The following DNAH7 variants were observed in gnomAD, a reference collection of about 807,000 sequenced individuals.
DNAH7 encodes the protein axonemal beta dynein heavy chain 7.
DNAH7 carries 397 observed loss-of-function variants against 444.6 expected under a neutral mutation model. The observed-to-expected ratio is 0.89, with a 90% CI of 0.82 to 0.97. DNAH7 has a LOEUF of 0.97. Among genes scored for constraint, DNAH7 ranks in the 50% least tolerant of loss-of-function variants. The pLI, the probability that DNAH7 is intolerant of heterozygous loss-of-function variation, is 0.00. For synonymous variants in DNAH7, 1,636 were observed against 1,624.4 expected (o/e 1.01, Z -0.17); for missense variants, 4,902 against 4,800.8 (o/e 1.02, Z -0.62).
intron 19 of DNAH7, among the ~76,000 whole-genome samples, chr2:195,956,497 A>G (rs893275851): frequency 6.6e-6 from 1 of 152,020 alleles, no homozygotes; most frequent in Non-Finnish European, 1.5e-5. Context: ...CTAAAAATAC[A>G]AAAATTAGCT....
chr2:196,056,380 G>T (rs1206747755), intron 2 of DNAH7, among the ~76,000 whole-genome samples: 2 of 150,524 alleles, frequency 1.3e-5, no homozygotes, highest in Admixed American at 6.6e-5. Flanking sequence ...GGGAGGCGGA[G>T]GTTGCAGTGA....
intron 46 of DNAH7, among the ~76,000 whole-genome samples, chr2:195,848,176 T>G (rs1439765537): frequency 6.6e-6 from 1 of 152,186 alleles, no homozygotes; most frequent in East Asian, 1.9e-4. Context: ...CTCAGGCTCC[T>G]GCTGAGTAGG....
At chr2:195,890,783 A>AT (rs1321840056) in intron 31 of DNAH7, among the ~76,000 whole-genome samples, 3 of 152,162 alleles carry the variant, frequency 2.0e-5, no homozygotes, top group African/African-American at 7.2e-5. Flanking sequence ...CAGAGCTGAG[A>AT]TTTCACGTTT....
intron 29 of DNAH7, 65 bp from the exon 30 acceptor site, chr2:195,895,289 T>C: frequency 1.8e-6 from 2 of 1,135,778 alleles, no homozygotes; most frequent in South Asian, 4.3e-5. Context: ...ATATTTTGTA[T>C]TGATGGAAAT....
chr2:195,852,749 C>T (rs1452515335), intron 46 of DNAH7, among the ~76,000 whole-genome samples: 1 of 152,108 alleles, frequency 6.6e-6, no homozygotes, highest in Non-Finnish European at 1.5e-5. Context: ...AGGCAGGGAA[C>T]GTGGGGTTTG....
chr2:195,772,010 T>C, intron 60 of DNAH7, 120 bp from the exon 61 acceptor site: 1 of 817,280 alleles, frequency 1.2e-6, no homozygotes, highest in Non-Finnish European at 2.0e-6. Context: ...TTATCCATGA[T>C]CCATCTCCAC....
In DNAH7 at chr2:195,849,745, G is replaced by A. The variant is rs1258507820; in HGVS notation, c.8781+3598C>T. Among the ~76,000 whole-genome samples the A allele has an allele frequency of 2.6e-5, 4 of 151,966 alleles. No individual in the cohort carries two copies. The East Asian group carries it at 5.8e-4, about 22-fold the overall frequency. On this transcript the variant is annotated intron_variant, in intron 46 of 64. Coordinates refer to ENST00000312428, the MANE Select transcript of DNAH7 (RefSeq NM_018897.3). ...CCTCCAAGCAGGACTGGGACTACAG[G>A]CACACACCACCATGCCCGGATAATT...
intron 19 of DNAH7, among the ~76,000 whole-genome samples, chr2:195,944,333 C>T (rs1156709637): frequency 6.6e-6 from 1 of 152,104 alleles, no homozygotes; most frequent in Admixed American, 6.6e-5. Context: ...TTACAGAAGC[C>T]AGGTTTGGTC....
intron 5 of DNAH7, among the ~76,000 whole-genome samples, chr2:196,039,614 G>A (rs1456682416): frequency 2.0e-5 from 3 of 151,830 alleles, no homozygotes; most frequent in African/African-American, 7.3e-5. Flanking sequence ...CCTGGCCAAC[G>A]TGGCAAAACC....
intron 25 of DNAH7, among the ~76,000 whole-genome samples, chr2:195,909,429 T>C (rs1459106645): frequency 6.6e-6 from 1 of 152,124 alleles, no homozygotes; most frequent in Non-Finnish European, 1.5e-5. Flanking sequence ...GGACTTGGTA[T>C]CTCTAATTCT....
At chr2:195,900,654 G>A in intron 27 of DNAH7, 160 bp from the exon 28 acceptor site, 1 of 635,318 alleles carries the variant, frequency 1.6e-6, no homozygotes, top group South Asian at 2.1e-5. Context: ...TGGGAAAGGT[G>A]AGGTGGGGCA....
At chr2:195,879,476 T>C (rs1041958085) in intron 36 of DNAH7, among the ~76,000 whole-genome samples, 4 of 152,156 alleles carry the variant, frequency 2.6e-5, no homozygotes, top group African/African-American at 7.2e-5. Flanking sequence ...TGGCACATTT[T>C]CACTTTTTAT....
intron 60 of DNAH7, 81 bp from the exon 61 acceptor site, chr2:195,771,971 C>A (rs1694862724): frequency 2.5e-6 from 3 of 1,189,416 alleles, no homozygotes; most frequent in African/African-American, 3.0e-5. Flanking sequence ...TAAGGTAAAT[C>A]TTTATAAGAA....
intron 7 of DNAH7, among the ~76,000 whole-genome samples, chr2:196,025,527 G>A (rs1212535869): frequency 1.3e-5 from 2 of 152,046 alleles, no homozygotes; most frequent in African/African-American, 4.8e-5. Flanking sequence ...CCTCTCATGG[G>A]CGTCTGCTAT....
intron 2 of DNAH7, among the ~76,000 whole-genome samples, chr2:196,053,563 G>C (rs763627705): frequency 6.6e-6 from 1 of 152,216 alleles, no homozygotes; most frequent in Non-Finnish European, 1.5e-5. Context: ...AGTGAGGCTA[G>C]TTTAGCAGGT....
chr2:196,065,890 A>G (rs1698403334), intron 1 of DNAH7, among the ~76,000 whole-genome samples: 1 of 152,174 alleles, frequency 6.6e-6, no homozygotes, highest in African/African-American at 2.4e-5. Flanking sequence ...CCAAAGGAAA[A>G]CTACACTCTA....
In DNAH7 at chr2:195,855,946, A is replaced by C; in HGVS notation, c.8460T>G (p.Ala2820=). 6.2e-7 allele frequency: 1 copy of C among 1,613,750 alleles called. No homozygotes were observed. The highest frequency in any genetic ancestry group is 1.1e-5 in the South Asian group (1 of 90,992). ...VAPKKIKLAA[A]EGELKIAMDG... is the part of the protein sequence containing the mutation. ...CCATGGCAATTTTAAGCTCCCCTTC[A>C]GCTGCAGCCAGTTTTATCTTTTTGG... Residue 2820 remains alanine (A), a synonymous_variant, in exon 45 of 65, where the codon GCT becomes GCG. Coordinates refer to ENST00000312428, the MANE Select transcript of DNAH7 (RefSeq NM_018897.3).
At chr2:195,793,770 ACT>A (rs1696004842) in intron 57 of DNAH7, among the ~76,000 whole-genome samples, 1 of 152,070 alleles carries the variant, frequency 6.6e-6, no homozygotes, top group Admixed American at 6.6e-5. Flanking sequence ...TTAAAAAGAA[ACT>A]CTTCCATTTT....
At chr2:195,886,058 G>A (rs1192578633) in intron 34 of DNAH7, 83 bp downstream of exon 34, 3 of 1,452,888 alleles carry the variant, frequency 2.1e-6, no homozygotes, top group South Asian at 1.5e-5. Flanking sequence ...GGGGCAAAAT[G>A]AGTTTCACAA....
Sources: gnomAD v4.1 joint callset for allele counts (sites outside exome capture counted in the v4.1 genomes callset) on GRCh38, gnomAD v4.1.1 for gene constraint, MANE v1.5 for transcripts, NCBI Gene and HGNC (gene_info 2026-07-23, HGNC 2026-07-21) for gene names.